The following LTBP1 variants were observed in gnomAD, a reference collection of about 807,000 sequenced individuals.
LTBP1 encodes the protein latent transforming growth factor beta binding protein 1, also known as latent-transforming growth factor beta-binding protein 1.
A neutral mutation model predicts 207.6 loss-of-function variants in LTBP1; 129 were observed. The observed-to-expected ratio is 0.62, with a 90% CI of 0.54 to 0.72. LTBP1 has a LOEUF of 0.72. Ranked by LOEUF, LTBP1 falls within the 30% of genes least tolerant of loss-of-function variation. The pLI, the probability that LTBP1 is intolerant of heterozygous loss-of-function variation, is 0.00. For missense variants in LTBP1, 2,281 were observed against 2,217.2 expected, an observed-to-expected ratio of 1.03 and a Z score of -0.58; for synonymous variants, 963 against 833.7, an observed-to-expected ratio of 1.16 and a Z score of -2.67.
rs528324321 is a variant in LTBP1, at chr2:33,014,835, A to C, written c.566-6074A>C. Among the ~76,000 whole-genome samples, 5 of 152,282 alleles carry C rather than the reference A, an allele frequency of 3.3e-5. No homozygotes were observed. The South Asian group carries it at 1.0e-3, about 32-fold the overall frequency. ...CAGATTGAGAATTAACTCAATTTTG[A>C]CTGTTTCAAATGATGAAAGTATTTT... On this transcript the variant is annotated intron_variant, in intron 2 of 33. Transcript: ENST00000404816.
chr2:33,315,531 A>G (rs1480046859), intron 24 of LTBP1, among the ~76,000 whole-genome samples: 1 of 152,250 alleles, frequency 6.6e-6, no homozygotes, highest in Non-Finnish European at 1.5e-5. Context: ...GAAATGTGCA[A>G]GGACTGATAG....
chr2:32,991,687 A>G (rs1408352214), intron 2 of LTBP1, among the ~76,000 whole-genome samples: 25 of 152,202 alleles, frequency 1.6e-4, no homozygotes, highest in Admixed American at 1.6e-3. Flanking sequence ...TCCTCAAAAC[A>G]GAGAGGGATG....
chr2:33,193,636 A>G (rs2088187577), intron 7 of LTBP1, among the ~76,000 whole-genome samples: 1 of 152,136 alleles, frequency 6.6e-6, no homozygotes, highest in African/African-American at 2.4e-5. Flanking sequence ...TTCTGACAGC[A>G]TGCTCTCACT....
intron 2 of LTBP1, among the ~76,000 whole-genome samples, chr2:33,016,226 T>C (rs1179907571): frequency 6.6e-6 from 1 of 152,140 alleles, no homozygotes; most frequent in African/African-American, 2.4e-5. Context: ...TGGGTGAGCT[T>C]CTGCAGGGGT....
Position 33,128,241 on chromosome 2 carries a change from G to A in LTBP1, c.1034-6552G>A, listed in dbSNP as rs114175842. Among the ~76,000 whole-genome samples, 1,232 of 152,284 alleles carry A rather than the reference G, an allele frequency of 8.1e-3. 11 individuals are homozygous for A. Among genetic ancestry groups the A allele is most frequent in the East Asian group, 0.014 (73 of 5,184 alleles). On this transcript the variant is annotated intron_variant, in intron 4 of 33. Coordinates refer to ENST00000404816, the MANE Select transcript of LTBP1 (RefSeq NM_206943.4). Reference sequence around the variant, plus strand: ...GCCTCCATTTACTTGCTCTTTGAAAGACAACAAATGTGGGGATAAATAAAA... The same window carrying A: ...GCCTCCATTTACTTGCTCTTTGAAAAACAACAAATGTGGGGATAAATAAAA...
intron 9 of LTBP1, 109 bp from the exon 10 acceptor site, chr2:33,243,550 TCAC>T: frequency 1.1e-6 from 1 of 948,166 alleles, no homozygotes. Flanking sequence ...CATCCTTTTT[TCAC>T]TATAACTAAA....
intron 2 of LTBP1, among the ~76,000 whole-genome samples, chr2:32,969,226 AATTT>A (rs1481541686): frequency 3.5e-5 from 3 of 86,226 alleles, no homozygotes; most frequent in African/African-American, 1.4e-4. Flanking sequence ...GCACCTGGCC[AATTT>A]GTGTGTGTGT....
At position 33,182,687 on chromosome 2, in the gene LTBP1, G is replaced by GAGATATATATATAT. The variant is rs1469125010; in HGVS notation, c.1202-4168_1202-4167insGATATATATATATA. 2.8e-3 allele frequency among the ~76,000 whole-genome samples: 187 copies of GAGATATATATATAT among 66,996 alleles called. 18 individuals carry two copies. The highest frequency in any genetic ancestry group is 9.2e-3 in the African/African-American group (155 of 16,812). The allele number at this position is 66,996 out of a possible 152,430, so 44.0% of individuals were successfully genotyped here. Reference sequence around the variant, plus strand: ...AAAAAAAAAAAGAAGAAAAGATGGTGATATATATATATACACACACACACA... The same window carrying GAGATATATATATAT: ...AAAAAAAAAAAGAAGAAAAGATGGTGAGATATATATATATATATATATATATACACACACACACA... On this transcript the variant is annotated intron_variant, in intron 5 of 33. Coordinates refer to ENST00000404816, the MANE Select transcript of LTBP1 (RefSeq NM_206943.4).
chr2:33,292,507 G>A (rs1404645857), intron 19 of LTBP1, among the ~76,000 whole-genome samples: 1 of 152,190 alleles, frequency 6.6e-6, no homozygotes, highest in Non-Finnish European at 1.5e-5. Context: ...GATTAAATGA[G>A]ATGATGTATG....
intron 29 of LTBP1, 122 bp downstream of exon 29, chr2:33,363,640 C>T (rs1484580677): frequency 7.4e-6 from 8 of 1,082,682 alleles, no homozygotes; most frequent in Admixed American, 5.3e-5. Flanking sequence ...GATGTGTAAA[C>T]GTTTTAGGGA....
At chr2:33,171,402 G>A (rs544684650) in intron 5 of LTBP1, among the ~76,000 whole-genome samples, 1 of 147,736 alleles carries the variant, frequency 6.8e-6, no homozygotes, top group Non-Finnish European at 1.5e-5. Context: ...GGAAGAAAGG[G>A]TATCAGTGAT....
intron 9 of LTBP1, among the ~76,000 whole-genome samples, chr2:33,235,476 A>T (rs1355879886): frequency 6.6e-6 from 1 of 152,196 alleles, no homozygotes; most frequent in African/African-American, 2.4e-5. Context: ...TAGTTCAACC[A>T]TTGTGGAAGA....
In LTBP1 at chr2:33,300,595, C is replaced by G. The variant is rs750031023; in HGVS notation, c.3358+22C>G. 1.9e-6 allele frequency: 3 copies of G among 1,602,438 alleles called. No homozygotes were observed. In the South Asian group the frequency reaches 3.3e-5, roughly 18 times the overall value. On this transcript the variant is annotated intron_variant, in intron 21 of 33. Transcript: ENST00000404816. ...GAAGGTAAGAGGGTAGTAACATGAACTACTGAAACTTCAGCTTAAAGCACC... is the reference window on the plus strand; with the variant it reads ...GAAGGTAAGAGGGTAGTAACATGAAGTACTGAAACTTCAGCTTAAAGCACC...
At chr2:33,275,258 C>G (rs956070732) in intron 17 of LTBP1, among the ~76,000 whole-genome samples, 168 bp downstream of exon 17, 1 of 152,052 alleles carries the variant, frequency 6.6e-6, no homozygotes, top group African/African-American at 2.4e-5. Context: ...GATTTTTTTC[C>G]CCTAACATTT....
chr2:33,039,306 A>G (rs2076072953), intron 3 of LTBP1, among the ~76,000 whole-genome samples: 1 of 152,036 alleles, frequency 6.6e-6, no homozygotes, highest in Non-Finnish European at 1.5e-5. Context: ...GGAGAAAAAA[A>G]AAACACCAAA....
chr2:33,397,177 A>G lies in LTBP1; in HGVS notation c.4879A>G (p.Ile1627Val). The G allele has an allele frequency of 6.2e-7, 1 of 1,614,178 alleles. No individual in the cohort carries two copies. The highest frequency in any genetic ancestry group is 2.2e-5 in the East Asian group (1 of 44,884). ...GGAGTTACAGGCTGAGGAATGCGGC[A>G]TCCTCAATGGATGTGAAAATGGTCG... Reference protein sequence around the residue: ...FEELQAEECGILNGCENGRCV... With the variant: ...FEELQAEECGVLNGCENGRCV... The change falls in exon 33 of 34, where the codon ATC becomes GTC. Residue 1627 changes from isoleucine (I) to valine (V), a missense_variant. Ile to Val is a conservative substitution (Grantham distance 29, BLOSUM62 3). Coordinates refer to ENST00000404816, the MANE Select transcript of LTBP1 (RefSeq NM_206943.4).
rs1050147987 is a variant in LTBP1, at chr2:33,001,523, C to T, written c.566-19386C>T. On this transcript the variant is annotated intron_variant, in intron 2 of 33. Transcript: ENST00000404816. ...GTCCAATTCTCCTGTTAGGTGTTTT[C>T]TCACTGAGTAGTTCCTCCTTTGGTG... Among the ~76,000 whole-genome samples the T allele has an allele frequency of 2.2e-5, 3 of 135,124 alleles. 1 individual carries two copies. In the Admixed American group the frequency reaches 2.3e-4, roughly 10 times the overall value. 88.6% of individuals were successfully genotyped at this position (135,124 alleles called of 152,430 possible).
chr2:33,164,673 G>T (rs143060791), intron 5 of LTBP1, among the ~76,000 whole-genome samples: 1 of 152,122 alleles, frequency 6.6e-6, no homozygotes, highest in Non-Finnish European at 1.5e-5. Flanking sequence ...TAATTGATCC[G>T]TGTATAAACC....
rs563852811 is a variant in LTBP1, at chr2:33,300,488, C to G, written c.3273C>G (p.Asn1091Lys). 1 of 1,613,580 alleles carries G rather than the reference C, an allele frequency of 6.2e-7. No individual in the cohort carries two copies. The highest frequency in any genetic ancestry group is 2.2e-5 in the East Asian group (1 of 44,850). ...DECQQGNLCV[N>K]GQCKNTEGSF... ...GTCAGCAAGGGAATCTATGTGTAAA[C>G]GGGCAGTGCAAAAATACCGAGGGCT... is the stretch of plus-strand genomic sequence containing the variant. The change falls in exon 21 of 34, where the codon AAC (asparagine) becomes AAG (lysine). Residue 1091 changes from asparagine (N) to lysine (K), a missense_variant. Transcript: ENST00000404816.
Sources: gnomAD v4.1 joint callset for allele counts (sites outside exome capture counted in the v4.1 genomes callset) on GRCh38, gnomAD v4.1.1 for gene constraint, MANE v1.5 for transcripts, NCBI Gene and HGNC (gene_info 2026-07-23, HGNC 2026-07-21) for gene names.